MORC1: variants seen among roughly 807,000 people sequenced by gnomAD.
MORC1 encodes the protein MORC family CW-type zinc finger 1.
In MORC1, 59 loss-of-function variants were observed where a neutral mutation model predicts 134.9. The observed-to-expected ratio is 0.44, with a 90% CI of 0.35 to 0.54. MORC1 has a LOEUF of 0.54. Ranked by LOEUF, MORC1 falls within the 20% of genes least tolerant of loss-of-function variation. MORC1 has a pLI of 0.00. For missense variants in MORC1, 947 were observed against 1,134.5 expected, an observed-to-expected ratio of 0.83 and a Z score of 2.37; for synonymous variants, 395 against 391.7, an observed-to-expected ratio of 1.01 and a Z score of -0.10.
chr3:108,994,665 G>T (rs1022523362), intron 21 of MORC1, among the ~76,000 whole-genome samples: 4 of 151,904 alleles, frequency 2.6e-5, no homozygotes, highest in Non-Finnish European at 4.4e-5. Flanking sequence ...TGAAAAAAAG[G>T]CATGTACATG....
chr3:108,971,650 G>A (rs1227282752), intron 24 of MORC1, among the ~76,000 whole-genome samples: 4 of 152,146 alleles, frequency 2.6e-5, no homozygotes, highest in African/African-American at 9.7e-5. Flanking sequence ...GAACTGGTCT[G>A]TATCTTGACT....
intron 20 of MORC1, 38 bp from the exon 21 acceptor site, chr3:109,000,696 G>A: frequency 1.3e-6 from 2 of 1,487,332 alleles, no homozygotes; most frequent in Non-Finnish European, 1.9e-6. Context: ...ACAAGGATTA[G>A]TGGCAATCAA....
chr3:108,963,366 G>A (rs972753982), intron 27 of MORC1, 48 bp downstream of exon 27: 27 of 1,491,136 alleles, frequency 1.8e-5, no homozygotes, highest in African/African-American at 1.4e-4. Flanking sequence ...CTGAGTTCTC[G>A]TTCCATAGAG....
intron 26 of MORC1, among the ~76,000 whole-genome samples, chr3:108,964,769 A>G (rs1029802634): frequency 2.0e-4 from 30 of 152,210 alleles, no homozygotes; most frequent in African/African-American, 7.2e-4. Context: ...CATAAATCTT[A>G]TGGAACATAA....
At chr3:108,982,109 T>C (rs1206779435) in intron 23 of MORC1, among the ~76,000 whole-genome samples, 1 of 152,140 alleles carries the variant, frequency 6.6e-6, no homozygotes, top group Non-Finnish European at 1.5e-5. Flanking sequence ...AACAGACACT[T>C]CTCAAAAGAA....
chr3:108,964,347 C>T (rs577150150), intron 26 of MORC1, among the ~76,000 whole-genome samples: 24 of 152,148 alleles, frequency 1.6e-4, no homozygotes, highest in African/African-American at 4.1e-4. Flanking sequence ...AAGAGATACA[C>T]GGCAAATCCC....
At chr3:109,016,310 C>T (rs757499191) in intron 17 of MORC1, among the ~76,000 whole-genome samples, 8 of 152,152 alleles carry the variant, frequency 5.3e-5, no homozygotes, top group African/African-American at 1.7e-4. Flanking sequence ...CCCTAACTAG[C>T]TTCTGTATCC....
At chr3:109,097,261 C>A (rs1381877598) in intron 6 of MORC1, among the ~76,000 whole-genome samples, 1 of 152,150 alleles carries the variant, frequency 6.6e-6, no homozygotes, top group Non-Finnish European at 1.5e-5. Context: ...TCAATAACAA[C>A]ACTAGAAACT....
chr3:109,011,849 G>T (rs1948693810), intron 17 of MORC1, among the ~76,000 whole-genome samples: 1 of 152,222 alleles, frequency 6.6e-6, no homozygotes, highest in East Asian at 1.9e-4. Context: ...CCATACTCCA[G>T]ATACAAGTCC....
intron 14 of MORC1, among the ~76,000 whole-genome samples, chr3:109,036,279 A>T (rs1559909412): frequency 2.0e-5 from 3 of 151,948 alleles, no homozygotes; most frequent in Non-Finnish European, 2.9e-5. Context: ...ATTTTTTAAA[A>T]ATATATATAT....
intron 4 of MORC1, 88 bp downstream of exon 4, chr3:109,103,761 T>A: frequency 7.9e-7 from 1 of 1,261,624 alleles, no homozygotes; most frequent in South Asian, 1.3e-5. Flanking sequence ...CATACCTGTT[T>A]TTGCATAGAT....
intron 14 of MORC1, 76 bp downstream of exon 14, chr3:109,054,652 A>G: frequency 1.6e-6 from 2 of 1,275,530 alleles, no homozygotes; most frequent in Middle Eastern, 3.9e-4. Flanking sequence ...GAATTCAGAT[A>G]ATCATGTCAG....
At chr3:108,966,337 T>A (rs564681939) in intron 26 of MORC1, among the ~76,000 whole-genome samples, 1 of 152,328 alleles carries the variant, frequency 6.6e-6, no homozygotes, top group Non-Finnish European at 1.5e-5. Flanking sequence ...AAAATCCTAA[T>A]GAGTTTGTGC....
At chr3:108,987,060 A>T (rs1007177577) in intron 21 of MORC1, 111 bp from the exon 22 acceptor site, 1 of 715,868 alleles carries the variant, frequency 1.4e-6, no homozygotes, top group African/African-American at 1.8e-5. Context: ...TCATAATGTT[A>T]GCAGCAGTAA....
chr3:108,978,210 T>C (rs1947617675), intron 24 of MORC1, among the ~76,000 whole-genome samples: 1 of 152,164 alleles, frequency 6.6e-6, no homozygotes, highest in South Asian at 2.1e-4. Context: ...GCCTGAACCA[T>C]GCTGAGGTCT....
At chr3:109,062,106 C>T (rs770208209) in intron 10 of MORC1, 48 bp from the exon 11 acceptor site, 1 of 1,542,546 alleles carries the variant, frequency 6.5e-7, no homozygotes, top group Non-Finnish European at 9.0e-7. Context: ...TTATTTCAAG[C>T]AATTTTAAGT....
chr3:109,019,849 T>C (rs1215123415), intron 17 of MORC1, among the ~76,000 whole-genome samples: 3 of 152,210 alleles, frequency 2.0e-5, no homozygotes, highest in Admixed American at 2.0e-4. Flanking sequence ...AATTAGGTAG[T>C]TTTAGAATTC....
intron 8 of MORC1, among the ~76,000 whole-genome samples, chr3:109,071,527 G>C (rs905136401): frequency 1.3e-5 from 2 of 152,066 alleles, no homozygotes; most frequent in African/African-American, 2.4e-5. Flanking sequence ...TCATGCCTTC[G>C]ACATCACAGT....
intron 3 of MORC1, among the ~76,000 whole-genome samples, chr3:109,108,383 A>G (rs988970598): frequency 1.3e-5 from 2 of 152,182 alleles, no homozygotes; most frequent in African/African-American, 4.8e-5. Flanking sequence ...GTGACTATGG[A>G]TAAGTCTTCT....
Sources: allele counts gnomAD v4.1 joint callset (sites outside exome capture counted in the v4.1 genomes callset), GRCh38; gene constraint gnomAD v4.1.1; transcripts MANE v1.5; gene names NCBI Gene and HGNC (gene_info 2026-07-23, HGNC 2026-07-21).